The following RAD54B variants were observed in gnomAD, a reference collection of about 807,000 sequenced individuals.
RAD54B encodes the protein DNA repair and recombination protein RAD54B.
RAD54B carries 78 observed loss-of-function variants against 95.8 expected under a neutral mutation model. The observed-to-expected ratio is 0.81, with a 90% CI of 0.68 to 0.98. RAD54B has a LOEUF of 0.98. Among genes scored for constraint, RAD54B ranks in the 50% least tolerant of loss-of-function variants. The pLI is 0.00. For synonymous variants in RAD54B, 328 were observed against 354.9 expected (o/e 0.92, Z 0.85); for missense variants, 957 against 1,056.6 (o/e 0.91, Z 1.31).
chr8:94,470,623 T>C (rs1586046603), intron 1 of RAD54B, among the ~76,000 whole-genome samples: 1 of 149,580 alleles, frequency 6.7e-6, no homozygotes, highest in African/African-American at 2.5e-5. Context: ...CCAAGTGTGG[T>C]GGTACACGCC....
chr8:94,431,491 C>T (rs1461827469), intron 3 of RAD54B: 10 of 981,486 alleles, frequency 1.0e-5, no homozygotes, highest in African/African-American at 1.8e-5. Flanking sequence ...TTACTTCTAT[C>T]GAATAGCGGG....
intron 3 of RAD54B, among the ~76,000 whole-genome samples, chr8:94,414,371 G>C (rs1239343647): frequency 6.6e-6 from 1 of 152,184 alleles, no homozygotes; most frequent in Non-Finnish European, 1.5e-5. Flanking sequence ...ATGTTGAATA[G>C]GAGTGGTGAG....
chr8:94,409,194 C>T (rs1309131618), intron 4 of RAD54B, among the ~76,000 whole-genome samples: 2 of 151,942 alleles, frequency 1.3e-5, no homozygotes, highest in African/African-American at 2.4e-5. Context: ...GCAAAATTAA[C>T]TTCAGGTTAA....
intron 14 of RAD54B, among the ~76,000 whole-genome samples, chr8:94,376,576 T>A (rs1810577403): frequency 6.6e-6 from 1 of 151,220 alleles, no homozygotes; most frequent in Non-Finnish European, 1.5e-5. Flanking sequence ...TTAATATTTT[T>A]AATTACCAAA....
chr8:94,402,713 A>G (rs7828789), intron 6 of RAD54B, among the ~76,000 whole-genome samples: 2,155 of 152,304 alleles, frequency 0.014, 51 homozygotes, highest in African/African-American at 0.049. Context: ...GATTTTAAAT[A>G]AGGGAATGCC....
chr8:94,448,802 C>T (rs1365604269), intron 3 of RAD54B, among the ~76,000 whole-genome samples: 4 of 151,536 alleles, frequency 2.6e-5, no homozygotes, highest in Non-Finnish European at 5.9e-5. Context: ...GGGAGATACG[C>T]GTCAGAGGAT....
chr8:94,378,155 G>A (rs750567884), intron 14 of RAD54B, 25 bp downstream of exon 14: 8 of 1,509,642 alleles, frequency 5.3e-6, no homozygotes, highest in Admixed American at 1.9e-5. Context: ...TTACTACATA[G>A]TAACAGAATT....
At chr8:94,437,006 T>C in intron 3 of RAD54B, 2 of 1,387,888 alleles carry the variant, frequency 1.4e-6, no homozygotes, top group Non-Finnish European at 1.9e-6. Context: ...GGGGAGGGTT[T>C]ATTAAAATTC....
At chr8:94,425,123 A>T (rs552101026) in intron 3 of RAD54B, among the ~76,000 whole-genome samples, 1 of 151,776 alleles carries the variant, frequency 6.6e-6, no homozygotes, top group East Asian at 1.9e-4. Context: ...AATGTCATTT[A>T]ATATTAATAG....
At chr8:94,441,674 A>G (rs752721204) in intron 3 of RAD54B, among the ~76,000 whole-genome samples, 12 of 152,178 alleles carry the variant, frequency 7.9e-5, no homozygotes, top group African/African-American at 2.4e-5. Flanking sequence ...CTGGTAATCA[A>G]TTTAACCCTC....
At chr8:94,453,416 G>A (rs142881080) in intron 3 of RAD54B, among the ~76,000 whole-genome samples, 3,891 of 152,204 alleles carry the variant, frequency 0.026, 178 homozygotes, top group African/African-American at 0.088. Flanking sequence ...CGTAATCCCA[G>A]CTACTCAGGA....
At chr8:94,466,361 T>G (rs527509888) in intron 2 of RAD54B, among the ~76,000 whole-genome samples, 6 of 152,260 alleles carry the variant, frequency 3.9e-5, no homozygotes, top group African/African-American at 1.4e-4. Context: ...AAACAATCCT[T>G]TTTCTTAACA....
chr8:94,372,167 T>C lies in RAD54B; in HGVS notation c.*3A>G. On this transcript the variant is annotated 3_prime_UTR_variant, in exon 15 of 15. Coordinates refer to ENST00000336148, the MANE Select transcript of RAD54B (RefSeq NM_012415.3). ...GCAATGGAATGTCAGAAGTAATCTT[T>C]CACTATGTGCCAGTAGCTTGAGTGG... 6.3e-7 allele frequency: 1 copy of C among 1,591,562 alleles called. No individual in the cohort carries two copies. The highest frequency in any genetic ancestry group is 8.5e-7 in the Non-Finnish European group (1 of 1,174,092).
intron 3 of RAD54B, among the ~76,000 whole-genome samples, chr8:94,425,229 C>CTTT (rs34018801): frequency 1.0e-4 from 12 of 114,934 alleles, no homozygotes; most frequent in East Asian, 2.5e-4. Flanking sequence ...CTTTAATATT[C>CTTT]TTTTTTTTTT....
At chr8:94,417,799 C>T (rs537523358) in intron 3 of RAD54B, among the ~76,000 whole-genome samples, 3 of 152,258 alleles carry the variant, frequency 2.0e-5, no homozygotes, top group African/African-American at 7.2e-5. Context: ...TAAATTGTAT[C>T]TTCATTACTG....
intron 3 of RAD54B, among the ~76,000 whole-genome samples, chr8:94,418,746 T>A (rs1270170843): frequency 6.6e-6 from 1 of 152,224 alleles, no homozygotes; most frequent in African/African-American, 2.4e-5. Flanking sequence ...TTTCTCCCAT[T>A]CAGCATAATG....
Position 94,460,577 on chromosome 8 carries a change from T to C in RAD54B, c.136-2141A>G, listed in dbSNP as rs138866671. 5.6e-4 allele frequency among the ~76,000 whole-genome samples: 85 copies of C among 152,338 alleles called. 1 individual carries two copies. The highest frequency in any genetic ancestry group is 1.9e-3 in the African/African-American group (80 of 41,564). Reference sequence around the variant, plus strand: ...TGCTATTTTCTCTTTTTTTTGTATATGTATGGGTTTTCTATTGCTGCTCTC... The same window carrying C: ...TGCTATTTTCTCTTTTTTTTGTATACGTATGGGTTTTCTATTGCTGCTCTC... On this transcript the variant is annotated intron_variant, in intron 2 of 14. Transcript: ENST00000336148.
At chr8:94,413,204 C>A (rs889921150) in intron 3 of RAD54B, among the ~76,000 whole-genome samples, 2 of 152,058 alleles carry the variant, frequency 1.3e-5, no homozygotes, top group Non-Finnish European at 2.9e-5. Flanking sequence ...GTAAAATTGG[C>A]AAGTTGATTT....
chr8:94,432,358 AGT>A (rs1812122650), intron 3 of RAD54B: 1 of 1,550,280 alleles, frequency 6.5e-7, no homozygotes, highest in Non-Finnish European at 8.7e-7. Context: ...AGTGACCTAA[AGT>A]GTTCACCACT....
Sources: allele counts gnomAD v4.1 joint callset (sites outside exome capture counted in the v4.1 genomes callset), GRCh38; gene constraint gnomAD v4.1.1; transcripts MANE v1.5; gene names NCBI Gene and HGNC (gene_info 2026-07-23, HGNC 2026-07-21).